The following FAM227A variants were observed in gnomAD, a reference collection of about 807,000 sequenced individuals.
FAM227A encodes the protein protein FAM227A.
In FAM227A, 80 loss-of-function variants were observed where a neutral mutation model predicts 74.7. The ratio of observed to expected loss-of-function variants is 1.07; its 90% CI spans 0.89 to 1.29. The LOEUF is 1.29. FAM227A is among the 50% of genes most tolerant of loss of function. The pLI is 0.00. For synonymous variants in FAM227A, 237 were observed against 241.8 expected, an observed-to-expected ratio of 0.98 and a Z score of 0.19; for missense variants, 654 against 683.4, an observed-to-expected ratio of 0.96 and a Z score of 0.48.
At chr22:38,626,917 C>T (rs1377327551) in intron 8 of FAM227A, among the ~76,000 whole-genome samples, 6 of 93,000 alleles carry the variant, frequency 6.5e-5, no homozygotes, top group African/African-American at 9.1e-5. Context: ...TATATATACA[C>T]GTATATATAT....
chr22:38,613,228 TTA>T (rs1296706898), intron 11 of FAM227A, among the ~76,000 whole-genome samples: 870 of 56,040 alleles, frequency 0.016, 9 homozygotes, highest in South Asian at 0.022. Flanking sequence ...TGTATATATA[TTA>T]TATATATAAT....
At position 38,626,241 on chromosome 22, in the gene FAM227A, G is replaced by C; in HGVS notation, c.789C>G (p.Ser263=). Residue 263 remains serine (S), a synonymous_variant, in exon 9 of 17, where the codon TCC becomes TCG. Transcript: ENST00000535113. ...YTSFCCCFPQ[S]WFDTHEFKSD... is the part of the protein sequence containing the mutation. ...ACTTGAATTCGTGCGTGTCGAACCA[G>C]GACTGTGGAAAGCAGCAACAGAAGC... 1 of 1,551,724 alleles carries C rather than the reference G, an allele frequency of 6.4e-7. No individual in the cohort carries two copies. The highest frequency in any genetic ancestry group is 1.2e-5 in the South Asian group (1 of 84,060).
rs546152633 is a variant in FAM227A at position 38,628,355 on chromosome 22, G to A, written c.622-13C>T. The A allele has an allele frequency of 2.0e-6, 3 of 1,526,980 alleles. No individual in the cohort carries two copies. The highest frequency in any genetic ancestry group is 2.0e-5 in the Admixed American group (1 of 50,084). The allele number at this position is 1,526,980 out of a possible 1,614,324, so 94.6% of individuals were successfully genotyped here. On this transcript the variant is annotated splice_polypyrimidine_tract_variant and intron_variant, in intron 7 of 16. Transcript: ENST00000535113. ...GCTCCTTGTTTGGCTGCCAGGAATA[G>A]AAATGAAAAAGGAATTACTAAAGTC...
chr22:38,626,369 T>C (rs2091800456), intron 8 of FAM227A, 66 bp from the exon 9 acceptor site: 4 of 1,499,962 alleles, frequency 2.7e-6, no homozygotes, highest in African/African-American at 1.4e-5. Context: ...GATTTGGGGA[T>C]GAGGAAGGAC....
intron 10 of FAM227A, among the ~76,000 whole-genome samples, 185 bp downstream of exon 10, chr22:38,622,987 G>A (rs1177973725): frequency 6.6e-6 from 1 of 150,888 alleles, no homozygotes; most frequent in Non-Finnish European, 1.5e-5. Context: ...TCCATCCCCT[G>A]CCTCCCAACA....
chr22:38,654,503 G>C (rs773485619), intron 1 of FAM227A, among the ~76,000 whole-genome samples: 17 of 151,916 alleles, frequency 1.1e-4, no homozygotes, highest in Non-Finnish European at 2.1e-4. Context: ...CTTGGAATTT[G>C]GTTAATGTGA....
At position 38,586,127 on chromosome 22, in the gene FAM227A, AG is replaced by A. The variant is rs2090801665; in HGVS notation, c.1710del (p.Ter571GlufsTer28). On this transcript the variant is annotated frameshift_variant, in exon 17 of 17. Coordinates refer to ENST00000535113, the MANE Select transcript of FAM227A (RefSeq NM_001013647.2). LOFTEE classifies it high-confidence loss of function. ...VEHFFPLTSK[P>X] ...CTGGTTCTAGGTTGTGGAGCTCCTCAGGGCTTGGAAGTGAGTGGAAAGAAAT... is the reference window on the plus strand; with the variant it reads ...CTGGTTCTAGGTTGTGGAGCTCCTCAGGCTTGGAAGTGAGTGGAAAGAAAT... The A allele has an allele frequency of 6.4e-7, 1 of 1,551,896 alleles. No individual in the cohort carries two copies. Among genetic ancestry groups the A allele is most frequent in the Non-Finnish European group, 8.7e-7 (1 of 1,147,074 alleles).
At chr22:38,647,471 C>CA (rs145409758) in intron 2 of FAM227A, among the ~76,000 whole-genome samples, 3,383 of 151,650 alleles carry the variant, frequency 0.022, 51 homozygotes, top group Middle Eastern at 0.058. Context: ...AACGAAACAA[C>CA]AAAAAAAAGA....
chr22:38,616,507 A>T (rs1048371125), intron 11 of FAM227A, among the ~76,000 whole-genome samples: 1 of 152,044 alleles, frequency 6.6e-6, no homozygotes, highest in Non-Finnish European at 1.5e-5. Context: ...TACTAAAAAT[A>T]CAAAAAAAAT....
chr22:38,592,598 CATGAAGTTAAAT>C (rs1475246948), intron 15 of FAM227A, among the ~76,000 whole-genome samples: 1 of 152,132 alleles, frequency 6.6e-6, no homozygotes, highest in African/African-American at 2.4e-5. Context: ...CATTTCTTAC[CATGAAGTTAAAT>C]CATGGGCTGA....
chr22:38,629,688 CTCT>C (rs2091879333), intron 6 of FAM227A, among the ~76,000 whole-genome samples: 1 of 148,710 alleles, frequency 6.7e-6, no homozygotes, highest in African/African-American at 2.5e-5. Context: ...GGAAGCGTGC[CTCT>C]TCTTTACCAT....
At chr22:38,608,346 A>G (rs1356531682) in intron 11 of FAM227A, among the ~76,000 whole-genome samples, 1 of 151,838 alleles carries the variant, frequency 6.6e-6, no homozygotes, top group African/African-American at 2.4e-5. Context: ...AAATATAAAT[A>G]CATTTCTCTC....
In FAM227A at chr22:38,638,767, G is replaced by C; in HGVS notation, c.351C>G (p.Ala117=). 1 of 1,549,108 alleles carries C rather than the reference G, an allele frequency of 6.5e-7. No homozygotes were observed. The highest frequency in any genetic ancestry group is 8.7e-7 in the Non-Finnish European group (1 of 1,145,936). Residue 117 remains alanine (A), a synonymous_variant, in exon 5 of 17, where the codon GCC becomes GCG. Coordinates refer to ENST00000535113, the MANE Select transcript of FAM227A (RefSeq NM_001013647.2). ...TTACCCTTTTTATAACAGAAGATCT[G>C]GCATGTCTGAGTTCGGAGCCTTTGC... The part of the protein sequence containing the change: ...YSCKGSELRH[A]RSSVIKRKTA...
Position 38,597,201 on chromosome 22 carries a change from T to C in FAM227A, c.1532+3A>G, listed in dbSNP as rs2091064656. The C allele has an allele frequency of 1.9e-6, 3 of 1,552,114 alleles. No individual in the cohort carries two copies. Among genetic ancestry groups the C allele is most frequent in the Non-Finnish European group, 2.6e-6 (3 of 1,146,948 alleles). On this transcript the variant is annotated splice_donor_region_variant and intron_variant, in intron 15 of 16. Transcript: ENST00000535113. ...ACGGCATTCCCCAAAGCCCCTTCCATACCTGGAGAAGTTGTCTTGCAGCTC... is the reference window on the plus strand; with the variant it reads ...ACGGCATTCCCCAAAGCCCCTTCCACACCTGGAGAAGTTGTCTTGCAGCTC...
intron 3 of FAM227A, among the ~76,000 whole-genome samples, chr22:38,641,575 A>G (rs1377316899): frequency 6.6e-6 from 1 of 151,436 alleles, no homozygotes; most frequent in Non-Finnish European, 1.5e-5. Flanking sequence ...AAAACAAAAC[A>G]AAGAGAGAAA....
rs1048189863 is a variant in FAM227A, at chr22:38,646,260, T to C, written c.143-615A>G. On this transcript the variant is annotated intron_variant, in intron 2 of 16. Coordinates refer to ENST00000535113, the MANE Select transcript of FAM227A (RefSeq NM_001013647.2). ...CCTTCCAGTATTTCTTTTTTTTTTT[T>C]TTTTTTTTTTTTTTTTTGAGACGGA... Among the ~76,000 whole-genome samples, 39 of 125,992 alleles carry C rather than the reference T, an allele frequency of 3.1e-4. No homozygotes were observed. In the South Asian group the frequency reaches 3.4e-3, roughly 11 times the overall value. 82.7% of individuals were successfully genotyped at this position (125,992 alleles called of 152,430 possible).
intron 1 of FAM227A, among the ~76,000 whole-genome samples, chr22:38,650,825 C>G (rs927941289): frequency 2.6e-5 from 4 of 152,168 alleles, no homozygotes; most frequent in African/African-American, 9.7e-5. Flanking sequence ...CTCCTGGGTC[C>G]TTGCTTGTTG....
chr22:38,640,013 G>T (rs527739622), intron 3 of FAM227A, among the ~76,000 whole-genome samples: 1 of 152,126 alleles, frequency 6.6e-6, no homozygotes, highest in South Asian at 2.1e-4. Context: ...GTAAAAGGGG[G>T]ATAATAATAT....
intron 2 of FAM227A, among the ~76,000 whole-genome samples, chr22:38,648,013 A>G (rs942372333): frequency 2.0e-5 from 3 of 152,180 alleles, no homozygotes; most frequent in Non-Finnish European, 4.4e-5. Flanking sequence ...GCAGAGTGGT[A>G]CATGCAGCTG....
Sources: allele counts gnomAD v4.1 joint callset (sites outside exome capture counted in the v4.1 genomes callset), GRCh38; gene constraint gnomAD v4.1.1; transcripts MANE v1.5; gene names NCBI Gene and HGNC (gene_info 2026-07-23, HGNC 2026-07-21).